Variants in TF observed in about 807,000 individuals in gnomAD.
TF encodes transferrin, also known as serotransferrin.
In TF, 55 loss-of-function variants were observed where a neutral mutation model predicts 82.4. That is an observed-to-expected ratio of 0.67 (90% CI 0.54 to 0.84). The LOEUF is 0.84. Ranked by LOEUF, TF falls within the 40% of genes least tolerant of loss-of-function variation. TF has a pLI of 0.00. For synonymous variants in TF, 332 were observed against 332.6 expected (o/e 1.00, Z 0.02); for missense variants, 737 against 868.4 (o/e 0.85, Z 1.90).
At chr3:133,717,607 G>T in the TF span, among the ~76,000 whole-genome samples, 2 of 152,080 alleles carry the variant, frequency 1.3e-5, no homozygotes, top group Non-Finnish European at 2.9e-5. Flanking sequence ...TCAGGAAGGG[G>T]GATTGACACA....
At chr3:133,748,055 G>A (rs899165718) in intron 1 of TF, 7 of 300,232 alleles carry the variant, frequency 2.3e-5, no homozygotes, top group South Asian at 2.3e-4. Context: ...AGCTGAAAAC[G>A]CCCTGTGCAT....
the TF span, among the ~76,000 whole-genome samples, chr3:133,684,866 C>T: frequency 6.6e-6 from 1 of 152,192 alleles, no homozygotes; most frequent in Non-Finnish European, 1.5e-5. Context: ...AGGCCAGCAT[C>T]ATCCTGATAC....
intron 13 of TF, among the ~76,000 whole-genome samples, chr3:133,768,770 C>G (rs1238259342): frequency 6.7e-6 from 1 of 149,484 alleles, no homozygotes; most frequent in Non-Finnish European, 1.5e-5. Context: ...ATAGAGATAC[C>G]TGTGTACCTT....
Position 133,796,589 on chromosome 3 carries a change from C to T in TF, c.*17969C>T, listed in dbSNP as rs942157236. On this transcript the variant is annotated 3_prime_UTR_variant, in exon 17 of 17. Coordinates refer to ENST00000402696, the MANE Select transcript of TF (RefSeq NM_001063.4). ...GAGCCCCTATGCTCAAGCCCTCTGCCACCCTGTGGAGTGTACTTTTGTTTT... is the reference window on the plus strand; with the variant it reads ...GAGCCCCTATGCTCAAGCCCTCTGCTACCCTGTGGAGTGTACTTTTGTTTT... The T allele has an allele frequency of 4.6e-5, 7 of 152,202 alleles. No individual in the cohort carries two copies. Among genetic ancestry groups the T allele is most frequent in the Admixed American group, 4.6e-4 (7 of 15,280 alleles). The allele number at this position is 152,202 out of a possible 1,614,324, so 9.4% of individuals were successfully genotyped here. A position where few individuals can be genotyped will look rare whatever the true frequency, so the allele number is the denominator to read the frequency against.
chr3:133,752,645 A>G (rs887638006), intron 2 of TF, among the ~76,000 whole-genome samples: 1 of 152,220 alleles, frequency 6.6e-6, no homozygotes, highest in Non-Finnish European at 1.5e-5. Context: ...TTACAGAAGC[A>G]CAAAGTCAAA....
At chr3:133,775,161 A>G in intron 14 of TF, 1 of 519,722 alleles carries the variant, frequency 1.9e-6, no homozygotes, top group Non-Finnish European at 3.5e-6. Context: ...ATCTTTTTGA[A>G]CAGCATCTGC....
chr3:133,766,263 G>C lies in TF; in HGVS notation c.1331-15G>C. On this transcript the variant is annotated splice_polypyrimidine_tract_variant and intron_variant, in intron 11 of 16. Transcript: ENST00000402696. ...AGAGGTGTTAATACATCCTTTTCTG[G>C]TGTCTTTCTTGTAGGGTATTTTGCT... The C allele has an allele frequency of 3.7e-6, 6 of 1,613,950 alleles. No homozygotes were observed. The highest frequency in any genetic ancestry group is 5.1e-6 in the Non-Finnish European group (6 of 1,179,828).
At chr3:133,680,800 A>T in the TF span, among the ~76,000 whole-genome samples, 1 of 152,194 alleles carries the variant, frequency 6.6e-6, no homozygotes, top group African/African-American at 2.4e-5. Context: ...ACCTATAGAC[A>T]GTTAAAAGGC....
At chr3:133,772,821 C>T (rs957967194) in intron 14 of TF, 10 of 152,022 alleles carry the variant, frequency 6.6e-5, no homozygotes, top group African/African-American at 2.4e-4. Context: ...GGTCTAATAC[C>T]CCTGACTTAA....
At chr3:133,754,859 T>G (rs1933780475) in intron 4 of TF, among the ~76,000 whole-genome samples, 188 bp downstream of exon 4, 1 of 152,230 alleles carries the variant, frequency 6.6e-6, no homozygotes, top group Non-Finnish European at 1.5e-5. Context: ...TGAGCTTTTT[T>G]CTGCTCTGAG....
rs111531493 is a variant in TF at position 133,752,097 on chromosome 3, ATTT to A, written c.217-1483_217-1481del. On this transcript the variant is annotated intron_variant, in intron 2 of 16. Coordinates refer to ENST00000402696, the MANE Select transcript of TF (RefSeq NM_001063.4). ...ATGGAACTATAGCTTTTGCTTTGTA[ATTT>A]TTTTTTTTTTTTTTGAGAGTCTTGC... 3.9e-4 allele frequency among the ~76,000 whole-genome samples: 52 copies of A among 133,308 alleles called. 1 individual carries two copies. Among genetic ancestry groups the A allele is most frequent in the Admixed American group, 5.3e-4 (7 of 13,270 alleles). The allele number at this position is 133,308 out of a possible 152,430, so 87.5% of individuals were successfully genotyped here.
rs1416569598 is a variant in TF at position 133,780,267 on chromosome 3, T to A, written c.*1647T>A. On this transcript the variant is annotated 3_prime_UTR_variant, in exon 17 of 17. Transcript: ENST00000402696. The stretch of plus-strand genomic sequence containing the variant: ...CTAAACTTACCCCAAATCCTATAAC[T>A]CTGCCTTTTCCTTTGTTTGGTGAGA... The A allele has an allele frequency of 6.6e-6, 1 of 152,214 alleles. No individual in the cohort carries two copies. The highest frequency in any genetic ancestry group is 1.5e-5 in the Non-Finnish European group (1 of 68,060). The allele number at this position is 152,214 out of a possible 1,614,324, so 9.4% of individuals were successfully genotyped here.
chr3:133,768,963 T>C (rs2715634), intron 13 of TF, among the ~76,000 whole-genome samples: 86,495 of 151,618 alleles, frequency 0.57, 24,813 homozygotes, highest in Non-Finnish European at 0.59. Context: ...CAGCTAATTT[T>C]TGTATTTTTT....
At chr3:133,755,266 A>C in intron 4 of TF, 97 bp from the exon 5 acceptor site, 1 of 1,557,438 alleles carries the variant, frequency 6.4e-7, no homozygotes, top group African/African-American at 1.4e-5. Context: ...GTTTGGTTTT[A>C]GTCCCCTCTG....
At position 133,764,926 on chromosome 3, in the gene TF, C is replaced by A. The variant is rs765719398; in HGVS notation, c.1330+19C>A. On this transcript the variant is annotated intron_variant, in intron 11 of 16. Transcript: ENST00000402696. ...GAGGCAGGTGAGTTTGAATTGGTAA[C>A]CTCTGGAGTTAAAAGATAAATTCCC... is the stretch of plus-strand genomic sequence containing the variant. The A allele has an allele frequency of 1.9e-6, 3 of 1,612,704 alleles. No individual in the cohort carries two copies. In the South Asian group the frequency reaches 3.3e-5, roughly 18 times the overall value.
rs566554220 is a variant in TF, at chr3:133,770,586, C to T, written c.1687+14C>T. ...AGAACACTGGGGGTAAGTGCACCTG[C>T]TCCTCTGTCCCCCTAGATCACTAGA... is the stretch of plus-strand genomic sequence containing the variant. On this transcript the variant is annotated intron_variant, in intron 14 of 16. Coordinates refer to ENST00000402696, the MANE Select transcript of TF (RefSeq NM_001063.4). 3.7e-6 allele frequency: 6 copies of T among 1,613,810 alleles called. No individual in the cohort carries two copies. The highest frequency in any genetic ancestry group is 5.1e-6 in the Non-Finnish European group (6 of 1,179,684).
chr3:133,740,287 A>C, the TF span, among the ~76,000 whole-genome samples: 1 of 152,186 alleles, frequency 6.6e-6, no homozygotes, highest in Non-Finnish European at 1.5e-5. Flanking sequence ...GAACAATGAG[A>C]ATACATGGAC....
intron 10 of TF, 75 bp downstream of exon 10, chr3:133,764,350 C>G (rs1934072716): frequency 8.2e-7 from 1 of 1,219,806 alleles, no homozygotes; most frequent in Non-Finnish European, 1.2e-6. Context: ...AAATCACAGT[C>G]TGATTCATAC....
At chr3:133,702,943 G>A in the TF span, among the ~76,000 whole-genome samples, 7 of 152,240 alleles carry the variant, frequency 4.6e-5, no homozygotes, top group Admixed American at 1.3e-4. Flanking sequence ...CTGGCATATA[G>A]TTAGCAGTAA....
Sources: allele counts gnomAD v4.1 joint callset (sites outside exome capture counted in the v4.1 genomes callset), GRCh38; gene constraint gnomAD v4.1.1; transcripts MANE v1.5; gene names NCBI Gene and HGNC (gene_info 2026-07-23, HGNC 2026-07-21).